The following NOS1AP variants were observed in gnomAD, a reference collection of about 807,000 sequenced individuals.
The protein encoded by NOS1AP is carboxyl-terminal PDZ ligand of neuronal nitric oxide synthase protein.
A neutral mutation model predicts 56.2 loss-of-function variants in NOS1AP; 21 were observed. The observed-to-expected ratio is 0.37, with a 90% confidence interval of 0.26 to 0.54. The LOEUF is 0.54. NOS1AP is among the 20% of genes least tolerant of loss of function. NOS1AP has a pLI of 0.84. For missense variants in NOS1AP, 522 were observed against 657.8 expected (o/e 0.79, Z 2.26); for synonymous variants, 270 against 274.6 (o/e 0.98, Z 0.17).
At chr1:162,328,156 A>C (rs347298) in intron 4 of NOS1AP, among the ~76,000 whole-genome samples, 85,705 of 152,024 alleles carry the variant, frequency 0.56, 25,196 homozygotes, top group Middle Eastern at 0.66. Flanking sequence ...AAATGAGCCA[A>C]CTGAGAAACT....
At chr1:162,181,323 G>A (rs1651248906) in intron 2 of NOS1AP, among the ~76,000 whole-genome samples, 1 of 152,170 alleles carries the variant, frequency 6.6e-6, no homozygotes, top group Non-Finnish European at 1.5e-5. Flanking sequence ...GCTCTGTATA[G>A]TAATGTCATG....
intron 2 of NOS1AP, among the ~76,000 whole-genome samples, chr1:162,270,700 T>C (rs922281948): frequency 4.1e-4 from 63 of 152,228 alleles, no homozygotes; most frequent in Admixed American, 1.0e-3. Context: ...CACTGTGCAA[T>C]TGAAATATTG....
chr1:162,133,782 A>G (rs1055226502), intron 1 of NOS1AP, among the ~76,000 whole-genome samples: 1 of 152,146 alleles, frequency 6.6e-6, no homozygotes, highest in Non-Finnish European at 1.5e-5. Flanking sequence ...TGTTTTCTCC[A>G]GCTTTTCCTT....
At chr1:162,208,483 A>T (rs1652239806) in intron 2 of NOS1AP, among the ~76,000 whole-genome samples, 1 of 152,192 alleles carries the variant, frequency 6.6e-6, no homozygotes, top group Non-Finnish European at 1.5e-5. Flanking sequence ...CTACTAGTGG[A>T]TCACCTACTT....
At chr1:162,169,319 C>T (rs1347570978) in intron 2 of NOS1AP, among the ~76,000 whole-genome samples, 2 of 152,202 alleles carry the variant, frequency 1.3e-5, no homozygotes, top group Non-Finnish European at 2.9e-5. Flanking sequence ...CACATCTGGT[C>T]TTCATTTAGT....
chr1:162,142,418 G>C (rs112133087), intron 1 of NOS1AP, among the ~76,000 whole-genome samples: 1 of 151,904 alleles, frequency 6.6e-6, no homozygotes, highest in Non-Finnish European at 1.5e-5. Context: ...GTGTTTCTGC[G>C]TGTGTGTGTG....
chr1:162,240,384 C>T (rs1031464435), intron 2 of NOS1AP, among the ~76,000 whole-genome samples: 4 of 152,114 alleles, frequency 2.6e-5, no homozygotes, highest in African/African-American at 2.4e-5. Context: ...GCCTTCTGAA[C>T]GGTTCAGGGA....
intron 2 of NOS1AP, among the ~76,000 whole-genome samples, chr1:162,209,358 G>C (rs969865091): frequency 6.6e-6 from 1 of 152,158 alleles, no homozygotes; most frequent in Admixed American, 6.5e-5. Context: ...ACTGAAGTGT[G>C]TGTATAAATG....
chr1:162,281,432 G>A (rs1350829060), intron 2 of NOS1AP, among the ~76,000 whole-genome samples: 1 of 152,184 alleles, frequency 6.6e-6, no homozygotes, highest in East Asian at 1.9e-4. Flanking sequence ...TTGCTCTCAT[G>A]AAGGGTATGG....
At chr1:162,215,797 C>A (rs1198274000) in intron 2 of NOS1AP, among the ~76,000 whole-genome samples, 1 of 152,230 alleles carries the variant, frequency 6.6e-6, no homozygotes, top group Non-Finnish European at 1.5e-5. Context: ...ATTCTATAAT[C>A]TTTCAGATTT....
At chr1:162,172,918 C>G (rs1415547732) in intron 2 of NOS1AP, among the ~76,000 whole-genome samples, 3 of 97,804 alleles carry the variant, frequency 3.1e-5, no homozygotes, top group South Asian at 4.8e-4. Flanking sequence ...TTCACCCTTG[C>G]TCAATAGGAG....
rs144458857 is a variant in NOS1AP, at chr1:162,102,007, TTCTTG to T, written c.105+31732_105+31736del. ...ATAGGAGTGGTGATAGAAGAGGGCA[TTCTTG>T]TCTTGTGCTGGTTTTCAAGGGGGAA... On this transcript the variant is annotated intron_variant, in intron 1 of 9. Coordinates refer to ENST00000361897, the MANE Select transcript of NOS1AP (RefSeq NM_014697.3). Among the ~76,000 whole-genome samples the T allele has an allele frequency of 9.7e-3, 1,477 of 152,288 alleles. 22 individuals are homozygous for T. Among genetic ancestry groups the T allele is most frequent in the African/African-American group, 0.034 (1,403 of 41,560 alleles).
chr1:162,244,600 G>A (rs73019404), intron 2 of NOS1AP, among the ~76,000 whole-genome samples: 7,624 of 152,154 alleles, frequency 0.05, 568 homozygotes, highest in African/African-American at 0.17. Context: ...TCTCAAATCT[G>A]TATTATTTCT....
intron 2 of NOS1AP, among the ~76,000 whole-genome samples, chr1:162,251,879 T>TTTTTTTTTTTTTG (rs1653872927): frequency 7.1e-6 from 1 of 140,286 alleles, no homozygotes; most frequent in African/African-American, 2.6e-5. Context: ...GTTTTTTTTT[T>TTTTTTTTTTTTTG]TTTTTTTTTT....
chr1:162,342,857 A>T (rs528786621), intron 5 of NOS1AP, among the ~76,000 whole-genome samples: 11 of 152,302 alleles, frequency 7.2e-5, no homozygotes, highest in African/African-American at 2.6e-4. Context: ...GTATAGGGTG[A>T]CAATCACAAT....
At chr1:162,109,372 TAGC>T (rs1473554984) in intron 1 of NOS1AP, among the ~76,000 whole-genome samples, 3 of 152,254 alleles carry the variant, frequency 2.0e-5, no homozygotes, top group Non-Finnish European at 4.4e-5. Context: ...TCAGATGAGA[TAGC>T]GTTGTGGCAA....
chr1:162,229,009 A>G (rs1653034492), intron 2 of NOS1AP, among the ~76,000 whole-genome samples: 1 of 152,246 alleles, frequency 6.6e-6, no homozygotes, highest in South Asian at 2.1e-4. Flanking sequence ...AGAGTCTCTT[A>G]AAATAAACTA....
chr1:162,185,555 G>T (rs1284524474), intron 2 of NOS1AP, among the ~76,000 whole-genome samples: 1 of 152,216 alleles, frequency 6.6e-6, no homozygotes, highest in Non-Finnish European at 1.5e-5. Flanking sequence ...TGAGTCAGCA[G>T]CTGTGTCCTC....
At chr1:162,098,406 T>C (rs1405167721) in intron 1 of NOS1AP, among the ~76,000 whole-genome samples, 1 of 152,106 alleles carries the variant, frequency 6.6e-6, no homozygotes, top group Non-Finnish European at 1.5e-5. Context: ...TGCATCTGGC[T>C]GATAGTTTCT....
Sources: gnomAD v4.1 joint callset for allele counts (sites outside exome capture counted in the v4.1 genomes callset) on GRCh38, gnomAD v4.1.1 for gene constraint, MANE v1.5 for transcripts, NCBI Gene and HGNC (gene_info 2026-07-23, HGNC 2026-07-21) for gene names.